The following RNLS variants were observed in gnomAD, a reference collection of about 807,000 sequenced individuals.
The protein encoded by RNLS is renalase, FAD dependent amine oxidase.
RNLS carries 39 observed loss-of-function variants against 39.8 expected under a neutral mutation model. The ratio of observed to expected loss-of-function variants is 0.98; its 90% CI spans 0.76 to 1.28. The LOEUF is 1.28. Ranked by LOEUF, RNLS falls within the 50% of genes most tolerant of loss-of-function variation. RNLS has a pLI of 0.00. For missense variants in RNLS, 410 were observed against 413.3 expected (o/e 0.99, Z 0.07); for synonymous variants, 147 against 150.7 (o/e 0.98, Z 0.18).
intron 4 of RNLS, among the ~76,000 whole-genome samples, chr10:88,391,888 C>G (rs1195251998): frequency 6.6e-6 from 1 of 152,240 alleles, no homozygotes; most frequent in South Asian, 2.1e-4. Context: ...CCCCTGCCCC[C>G]AGCTCTGCAA....
the RNLS span, among the ~76,000 whole-genome samples, chr10:88,203,456 G>GTATATA: frequency 4.1e-3 from 5 of 1,206 alleles, no homozygotes; most frequent in East Asian, 0.017. Context: ...GTGTGTGTGT[G>GTATATA]TATATATATA....
At chr10:88,210,997 T>C in the RNLS span, among the ~76,000 whole-genome samples, 1 of 152,104 alleles carries the variant, frequency 6.6e-6, no homozygotes, top group Admixed American at 6.6e-5. Context: ...GTATATTTTC[T>C]AAGAAGCATT....
chr10:88,258,239 C>T, the RNLS span, among the ~76,000 whole-genome samples: 213 of 152,254 alleles, frequency 1.4e-3, no homozygotes, highest in African/African-American at 5.0e-3. Flanking sequence ...TTGTGACTGA[C>T]GGTGACATTG....
chr10:88,240,427 T>C, the RNLS span, among the ~76,000 whole-genome samples: 4 of 151,394 alleles, frequency 2.6e-5, no homozygotes, highest in Non-Finnish European at 5.9e-5. Context: ...AAAAAAAAAA[T>C]TTAGGCTACT....
At chr10:88,268,105 A>G in the RNLS span, among the ~76,000 whole-genome samples, 1 of 152,194 alleles carries the variant, frequency 6.6e-6, no homozygotes, top group Non-Finnish European at 1.5e-5. Flanking sequence ...CTTCTATTAA[A>G]TAATCACTAA....
the RNLS span, among the ~76,000 whole-genome samples, chr10:88,221,662 C>T: frequency 2.6e-5 from 4 of 152,198 alleles, no homozygotes; most frequent in East Asian, 3.8e-4. Context: ...ACCTGCAAAG[C>T]GATTTTGGGC....
chr10:88,241,711 C>T, the RNLS span, among the ~76,000 whole-genome samples: 3 of 152,158 alleles, frequency 2.0e-5, no homozygotes, highest in South Asian at 4.1e-4. Flanking sequence ...TTCAAGCTCC[C>T]ACCTCCTAAC....
intron 4 of RNLS, among the ~76,000 whole-genome samples, chr10:88,506,430 T>A (rs1218419902): frequency 6.6e-6 from 1 of 152,068 alleles, no homozygotes; most frequent in Non-Finnish European, 1.5e-5. Context: ...TAAAACAGAA[T>A]ATCCTTACTT....
At chr10:88,302,975 A>G (rs1446670972) in intron 6 of RNLS, among the ~76,000 whole-genome samples, 1 of 152,210 alleles carries the variant, frequency 6.6e-6, no homozygotes, top group East Asian at 1.9e-4. Flanking sequence ...GAAGGCACCC[A>G]AAGTGGACTG....
intron 5 of RNLS, among the ~76,000 whole-genome samples, chr10:88,333,895 A>G (rs1847299417): frequency 6.6e-6 from 1 of 152,174 alleles, no homozygotes; most frequent in Non-Finnish European, 1.5e-5. Context: ...CCACCTCTGA[A>G]GGAGAGAGTG....
the RNLS span, among the ~76,000 whole-genome samples, chr10:88,196,226 G>A: frequency 6.6e-6 from 1 of 152,024 alleles, no homozygotes; most frequent in African/African-American, 2.4e-5. Flanking sequence ...GGGGAAAGTG[G>A]GAGGGTGGGA....
chr10:88,227,899 CTGCT>C, the RNLS span, among the ~76,000 whole-genome samples: 3 of 152,186 alleles, frequency 2.0e-5, no homozygotes, highest in African/African-American at 7.2e-5. Context: ...ATTCCAGCCT[CTGCT>C]TGCTTGTCTC....
At chr10:88,354,456 T>C (rs561312428) in intron 5 of RNLS, among the ~76,000 whole-genome samples, 141 of 152,312 alleles carry the variant, frequency 9.3e-4, no homozygotes, top group African/African-American at 3.1e-3. Context: ...TAAAGGATTT[T>C]AATTCTCTTT....
intron 4 of RNLS, among the ~76,000 whole-genome samples, chr10:88,376,164 C>T (rs1050808265): frequency 6.6e-6 from 1 of 152,108 alleles, no homozygotes; most frequent in African/African-American, 2.4e-5. Flanking sequence ...AATTTAGTTC[C>T]TTTTGGGGGC....
chr10:88,558,400 C>A (rs1390291737), intron 4 of RNLS, among the ~76,000 whole-genome samples: 1 of 152,146 alleles, frequency 6.6e-6, no homozygotes, highest in African/African-American at 2.4e-5. Context: ...TAAGTATTCA[C>A]AAAATTGTGT....
intron 5 of RNLS, among the ~76,000 whole-genome samples, chr10:88,341,104 C>T (rs1197944958): frequency 6.8e-5 from 10 of 146,704 alleles, no homozygotes; most frequent in Admixed American, 2.0e-4. Flanking sequence ...CCTAGGCGGG[C>T]GGATCACCTG....
chr10:88,242,776 T>C, the RNLS span, among the ~76,000 whole-genome samples: 43 of 152,152 alleles, frequency 2.8e-4, no homozygotes, highest in Non-Finnish European at 5.6e-4. Flanking sequence ...GGAGAAACCC[T>C]GTCTCTACTA....
chr10:88,300,947 T>C (rs961333451), intron 6 of RNLS, among the ~76,000 whole-genome samples: 5 of 152,348 alleles, frequency 3.3e-5, no homozygotes, highest in African/African-American at 1.2e-4. Flanking sequence ...TCTATGCCTA[T>C]GTAATAACAT....
intron 4 of RNLS, among the ~76,000 whole-genome samples, chr10:88,555,403 G>T (rs979959333): frequency 3.3e-5 from 5 of 152,044 alleles, no homozygotes; most frequent in African/African-American, 9.7e-5. Context: ...GGTCATGGGG[G>T]CGGATCTCTC....
Sources: gnomAD v4.1 joint callset for allele counts (sites outside exome capture counted in the v4.1 genomes callset) on GRCh38, gnomAD v4.1.1 for gene constraint, MANE v1.5 for transcripts, NCBI Gene and HGNC (gene_info 2026-07-23, HGNC 2026-07-21) for gene names.